The following GPHN variants were observed in gnomAD, a reference collection of about 807,000 sequenced individuals.
The protein encoded by GPHN is gephyrin.
GPHN carries 17 observed loss-of-function variants against 95.5 expected under a neutral mutation model. The ratio of observed to expected loss-of-function variants is 0.18; its 90% CI spans 0.12 to 0.27. GPHN has a LOEUF of 0.27. Ranked by LOEUF, GPHN falls within the 10% of genes least tolerant of loss-of-function variation. GPHN has a pLI of 1.00. For missense variants in GPHN, 660 were observed against 978.1 expected, an observed-to-expected ratio of 0.67 and a Z score of 4.34; for synonymous variants, 320 against 322.5, an observed-to-expected ratio of 0.99 and a Z score of 0.08.
the GPHN span, chr14:67,678,461 A>C: frequency 7.1e-7 from 1 of 1,415,002 alleles, no homozygotes; most frequent in Non-Finnish European, 1.0e-6. Flanking sequence ...CACAGTGTTA[A>C]GAATGAAGTC....
At chr14:67,101,572 T>G (rs182511148) in intron 13 of GPHN, among the ~76,000 whole-genome samples, 1 of 151,606 alleles carries the variant, frequency 6.6e-6, no homozygotes, top group Admixed American at 6.5e-5. Flanking sequence ...GTATGCTGTT[T>G]TAATTTCTAT....
intron 9 of GPHN, among the ~76,000 whole-genome samples, chr14:67,012,746 A>T (rs1594813390): frequency 6.6e-6 from 1 of 152,118 alleles, no homozygotes; most frequent in Non-Finnish European, 1.5e-5. Flanking sequence ...ATTCAACAAA[A>T]CATTTGAGCC....
chr14:66,707,873 A>G (rs1160265312), intron 2 of GPHN, among the ~76,000 whole-genome samples: 1 of 152,184 alleles, frequency 6.6e-6, no homozygotes, highest in Middle Eastern at 3.2e-3. Context: ...TATAATGGTC[A>G]AATCAGGCAG....
chr14:66,512,355 T>C (rs2058071139), intron 1 of GPHN, among the ~76,000 whole-genome samples: 1 of 151,888 alleles, frequency 6.6e-6, no homozygotes, highest in African/African-American at 2.4e-5. Flanking sequence ...AAATAATGAC[T>C]ACATGTATGT....
At chr14:67,348,396 G>A in the GPHN span, among the ~76,000 whole-genome samples, 3 of 151,924 alleles carry the variant, frequency 2.0e-5, no homozygotes, top group East Asian at 1.9e-4. Flanking sequence ...TGGTAAAGAT[G>A]GGGTTTCACC....
Position 67,181,404 on chromosome 14 carries a change from G to C in GPHN, c.*467G>C. Reference sequence around the variant, plus strand: ...TTGCTTGTTCTTTCTCATGTATCTCGTGTTTATGTGCACAGTGCCAAAAGA... The same window carrying C: ...TTGCTTGTTCTTTCTCATGTATCTCCTGTTTATGTGCACAGTGCCAAAAGA... On this transcript the variant is annotated 3_prime_UTR_variant, in exon 23 of 23. Coordinates refer to ENST00000478722, the MANE Select transcript of GPHN (RefSeq NM_020806.5). The C allele has an allele frequency of 2.1e-6, 1 of 487,480 alleles. No homozygotes were observed. Among genetic ancestry groups the C allele is most frequent in the East Asian group, 4.2e-5 (1 of 23,832 alleles). The allele number at this position is 487,480 out of a possible 1,614,324, so 30.2% of individuals were successfully genotyped here. A position where few individuals can be genotyped will look rare whatever the true frequency, so the allele number is the denominator to read the frequency against.
the GPHN span, chr14:67,557,297 TATCCAATCTGAAGAATGTGGACTCTG>T: frequency 6.2e-7 from 1 of 1,613,802 alleles, no homozygotes; most frequent in Non-Finnish European, 8.5e-7. Flanking sequence ...AAGGTAAAAC[TATCCAATCTGAAGAATGTGGACTCTG>T]AGGGGAGCCT....
chr14:67,662,182 A>C, the GPHN span, among the ~76,000 whole-genome samples: 781 of 152,016 alleles, frequency 5.1e-3, 3 homozygotes, highest in East Asian at 0.012. Context: ...ACAACAACAA[A>C]AAAAAAAACA....
the GPHN span, chr14:67,570,261 G>C: frequency 1.1e-6 from 1 of 890,320 alleles, no homozygotes; most frequent in East Asian, 1.2e-4. Context: ...CCGCTTTACA[G>C]CTCTCCCCAC....
intron 2 of GPHN, among the ~76,000 whole-genome samples, chr14:66,688,876 G>A (rs896471428): frequency 4.9e-4 from 73 of 149,678 alleles, no homozygotes; most frequent in African/African-American, 1.8e-3. Context: ...AGAACACATG[G>A]ACGCAGGGAG....
intron 1 of GPHN, among the ~76,000 whole-genome samples, chr14:66,670,159 C>T (rs1291179712): frequency 6.6e-6 from 1 of 152,084 alleles, no homozygotes; most frequent in Non-Finnish European, 1.5e-5. Context: ...TTTTACTTGG[C>T]CTCCTTGGTA....
At chr14:67,529,060 T>C in the GPHN span, among the ~76,000 whole-genome samples, 1 of 152,094 alleles carries the variant, frequency 6.6e-6, no homozygotes, top group Non-Finnish European at 1.5e-5. Flanking sequence ...CCTTTACACC[T>C]CTACACCTTC....
chr14:67,570,680 C>T, the GPHN span: 1 of 152,270 alleles, frequency 6.6e-6, no homozygotes, highest in East Asian at 1.9e-4. Context: ...TGCTTGTTCC[C>T]CTAACCACGT....
At chr14:67,390,624 A>ACAACATGGGAC in the GPHN span, 1 of 1,425,146 alleles carries the variant, frequency 7.0e-7, no homozygotes, top group Non-Finnish European at 9.9e-7. Flanking sequence ...TGGGGGCATC[A>ACAACATGGGAC]CAACATGGGA....
At chr14:66,817,249 C>G (rs1298630540) in intron 3 of GPHN, among the ~76,000 whole-genome samples, 1 of 151,574 alleles carries the variant, frequency 6.6e-6, no homozygotes, top group Non-Finnish European at 1.5e-5. Flanking sequence ...ATATATATGA[C>G]ACATGCTGGG....
chr14:66,661,869 T>C (rs938243071), intron 1 of GPHN, among the ~76,000 whole-genome samples: 14 of 152,188 alleles, frequency 9.2e-5, no homozygotes, highest in African/African-American at 3.4e-4. Flanking sequence ...GCAGAAGCAG[T>C]ACCCCAGCAC....
chr14:66,675,587 T>C (rs868383282), intron 1 of GPHN, among the ~76,000 whole-genome samples: 1 of 152,186 alleles, frequency 6.6e-6, no homozygotes, highest in African/African-American at 2.4e-5. Flanking sequence ...GTTGATCTTC[T>C]TTTTTTGCTC....
At chr14:67,180,719 T>A (rs2083285465) in intron 22 of GPHN, 85 bp from the exon 23 acceptor site, 2 of 1,325,658 alleles carry the variant, frequency 1.5e-6, no homozygotes, top group East Asian at 4.8e-5. Context: ...CATTTCTGTC[T>A]GTTTACATTT....
chr14:67,704,600 G>A, the GPHN span, among the ~76,000 whole-genome samples: 1 of 152,284 alleles, frequency 6.6e-6, no homozygotes, highest in African/African-American at 2.4e-5. Context: ...GTGTCTTAGA[G>A]TGCACTTCCC....
Sources: gnomAD v4.1 joint callset for allele counts (sites outside exome capture counted in the v4.1 genomes callset) on GRCh38, gnomAD v4.1.1 for gene constraint, MANE v1.5 for transcripts, NCBI Gene and HGNC (gene_info 2026-07-23, HGNC 2026-07-21) for gene names.